Variants in DOCK8 observed in about 807,000 individuals in gnomAD.
DOCK8 encodes the protein dedicator of cytokinesis 8, also known as dedicator of cytokinesis protein 8.
Under a neutral mutation model 245.6 loss-of-function variants are expected in DOCK8, and 141 were observed. The ratio of observed to expected loss-of-function variants is 0.57; its 90% CI spans 0.50 to 0.66. The LOEUF (loss-of-function observed/expected upper bound fraction) is 0.66. DOCK8 is among the 30% of genes least tolerant of loss of function. The pLI is 0.00. For synonymous variants in DOCK8, 1,168 were observed against 970.2 expected, an observed-to-expected ratio of 1.20 and a Z score of -3.79; for missense variants, 2,965 against 2,603.4, an observed-to-expected ratio of 1.14 and a Z score of -3.02.
At chr9:301,293 C>G (rs114491054) in intron 4 of DOCK8, among the ~76,000 whole-genome samples, 1 of 152,100 alleles carries the variant, frequency 6.6e-6, no homozygotes, top group Non-Finnish European at 1.5e-5. Flanking sequence ...ATTCAACATC[C>G]CTTCATGTTA....
rs149234127 is a variant in DOCK8, at chr9:312,110, G to C, written c.685G>C (p.Ala229Pro). ...AEDFEKQNEE[A>P]RRTNRQAELF... ...GGACTTTGAGAAGCAGAACGAGGAG[G>C]CCCGGAGGACCAATAGGCAGGCCGA... The change falls in exon 6 of 48, where the codon GCC (alanine) becomes CCC (proline). Residue 229 changes from alanine (A) to proline (P), a missense_variant. Ala to Pro is a conservative substitution (Grantham distance 27, BLOSUM62 -1). Around this residue, in one of 3 missense-constraint regions of DOCK8, gnomAD observed 2,825 missense variants for 2,453.5 expected, o/e 1.15. Coordinates refer to ENST00000432829, the MANE Select transcript of DOCK8 (RefSeq NM_203447.4). 1.0e-4 allele frequency: 164 copies of C among 1,614,222 alleles called. No homozygotes were observed. The African/African-American group carries it at 1.8e-3, about 18-fold the overall frequency.
intron 2 of DOCK8, among the ~76,000 whole-genome samples, chr9:274,250 A>G (rs978038648): frequency 6.6e-6 from 1 of 152,194 alleles, no homozygotes; most frequent in Non-Finnish European, 1.5e-5. Context: ...AATAAGTAAA[A>G]TTGTTAAATT....
At chr9:393,504 G>A (rs997887655) in intron 24 of DOCK8, among the ~76,000 whole-genome samples, 1 of 152,184 alleles carries the variant, frequency 6.6e-6, no homozygotes, top group Non-Finnish European at 1.5e-5. Flanking sequence ...GAGGAAGGGT[G>A]GTGGCCATAA....
chr9:414,750 A>G (rs56295418), intron 28 of DOCK8, 32 bp from the exon 29 acceptor site: 11 of 1,614,064 alleles, frequency 6.8e-6, no homozygotes, highest in Non-Finnish European at 8.5e-6. Context: ...TCCTTTCACC[A>G]TAACCTCTTG....
intron 1 of DOCK8, among the ~76,000 whole-genome samples, chr9:265,163 C>A (rs1036231380): frequency 1.3e-5 from 2 of 152,122 alleles, no homozygotes; most frequent in African/African-American, 4.8e-5. Context: ...AACTCCTGAC[C>A]GCAGGTGATC....
chr9:304,496 T>G (rs569359123), intron 4 of DOCK8, 85 bp from the exon 5 acceptor site: 3 of 1,566,724 alleles, frequency 1.9e-6, no homozygotes, highest in African/African-American at 1.4e-5. Flanking sequence ...TGTCTACACT[T>G]AAGCCATTAC....
chr9:214,302 G>A, upstream of DOCK8: 2 of 555,638 alleles, frequency 3.6e-6, no homozygotes, highest in African/African-American at 2.0e-5. Context: ...AAGCATTCAC[G>A]CCAGGTTGTG....
intron 7 of DOCK8, among the ~76,000 whole-genome samples, chr9:324,546 G>A (rs977624902): frequency 1.3e-5 from 2 of 152,086 alleles, no homozygotes; most frequent in Admixed American, 6.5e-5. Context: ...CCGTTTCGAG[G>A]GGAATTGGCA....
rs529902678 is a variant in DOCK8, at chr9:439,131, C to T, written c.5080-114C>T. On this transcript the variant is annotated intron_variant, in intron 39 of 47. Transcript: ENST00000432829. ...TAGAATTACAGACCTAGTTTAGTCA[C>T]GGTCTTGGTAAGGATCTGCACACCA... 36 of 1,346,314 alleles carry T rather than the reference C, an allele frequency of 2.7e-5. No individual in the cohort carries two copies. In the East Asian group the frequency reaches 6.9e-4, roughly 26 times the overall value. 83.4% of individuals were successfully genotyped at this position (1,346,314 alleles called of 1,614,324 possible).
intron 18 of DOCK8, 57 bp downstream of exon 18, chr9:372,343 T>G: frequency 1.5e-6 from 2 of 1,353,556 alleles, no homozygotes; most frequent in East Asian, 4.6e-5. Context: ...TTGGACCACC[T>G]TCCCAGACTC....
In DOCK8 at chr9:451,880, TATACATATATATGC is replaced by T. The variant is rs1458782493; in HGVS notation, c.5962-127_5962-114del. 1.0e-3 allele frequency: 220 copies of T among 215,008 alleles called. 1 individual carries two copies. The highest frequency in any genetic ancestry group is 2.8e-3 in the Middle Eastern group (2 of 726). The allele number at this position is 215,008 out of a possible 1,614,324, so 13.3% of individuals were successfully genotyped here. On this transcript the variant is annotated intron_variant, in intron 45 of 47. Coordinates refer to ENST00000432829, the MANE Select transcript of DOCK8 (RefSeq NM_203447.4). The stretch of plus-strand genomic sequence containing the variant: ...TCATATATATGTGTGTGTATATATA[TATACATATATATGC>T]ATATACATATACATATGCATATACA...
At chr9:339,661 C>T (rs2051485667) in intron 13 of DOCK8, among the ~76,000 whole-genome samples, 1 of 152,134 alleles carries the variant, frequency 6.6e-6, no homozygotes, top group African/African-American at 2.4e-5. Context: ...ACTACAGGTG[C>T]CTGCCACCAC....
chr9:236,112 T>C (rs1451791581), intron 1 of DOCK8, among the ~76,000 whole-genome samples: 1 of 152,212 alleles, frequency 6.6e-6, no homozygotes, highest in Non-Finnish European at 1.5e-5. Flanking sequence ...CTTGGTGTCA[T>C]GGCCCCCAAG....
chr9:262,579 A>G (rs1448307668), intron 1 of DOCK8, among the ~76,000 whole-genome samples: 2 of 151,494 alleles, frequency 1.3e-5, no homozygotes, highest in African/African-American at 4.8e-5. Flanking sequence ...AGACCAAAAA[A>G]AGAGATATAT....
In DOCK8 at chr9:400,880, T is replaced by A. The variant is rs867069659; in HGVS notation, c.3234+1621T>A. ...CACCTCCTCCACCATCACCACCACC[T>A]CCACCACCACCACCTCCCCCACTAC... On this transcript the variant is annotated intron_variant, in intron 26 of 47. Coordinates refer to ENST00000432829, the MANE Select transcript of DOCK8 (RefSeq NM_203447.4). 1.2e-3 allele frequency among the ~76,000 whole-genome samples: 45 copies of A among 36,664 alleles called. 1 individual carries two copies. Among genetic ancestry groups the A allele is most frequent in the Non-Finnish European group, 1.3e-3 (31 of 24,362 alleles). 24.1% of individuals were successfully genotyped at this position (36,664 alleles called of 152,430 possible). A position where few individuals can be genotyped will look rare whatever the true frequency, so the allele number is the denominator to read the frequency against.
intron 14 of DOCK8, among the ~76,000 whole-genome samples, chr9:357,336 A>G (rs2052492734): frequency 6.6e-6 from 1 of 152,242 alleles, no homozygotes; most frequent in Non-Finnish European, 1.5e-5. Context: ...TAAAATCACC[A>G]TATCTCATAT....
chr9:319,043 T>A (rs1182622449), intron 7 of DOCK8, among the ~76,000 whole-genome samples: 1 of 152,158 alleles, frequency 6.6e-6, no homozygotes, highest in East Asian at 1.9e-4. Context: ...ACACCTGTAA[T>A]CCCAACACTT....
At chr9:409,738 C>T (rs1016343666) in intron 28 of DOCK8, among the ~76,000 whole-genome samples, 1 of 152,068 alleles carries the variant, frequency 6.6e-6, no homozygotes, top group East Asian at 1.9e-4. Flanking sequence ...CCACTCCCCC[C>T]ACCCCATGAC....
intron 45 of DOCK8, among the ~76,000 whole-genome samples, chr9:451,414 G>C (rs2057432770): frequency 6.6e-6 from 1 of 152,142 alleles, no homozygotes. Context: ...CTTGAGGCCA[G>C]GAGTTCAAGA....
Sources: gnomAD v4.1 joint callset for allele counts (sites outside exome capture counted in the v4.1 genomes callset) on GRCh38, gnomAD v4.1.1 for gene constraint, gnomAD v4.1.1 regional missense constraint, MANE v1.5 for transcripts, NCBI Gene and HGNC (gene_info 2026-07-23, HGNC 2026-07-21) for gene names.